SNX10: variants seen among roughly 807,000 people sequenced by gnomAD.
SNX10 encodes the protein sorting nexin-10.
In SNX10, 25 loss-of-function variants were observed where a neutral mutation model predicts 28.5. That is an observed-to-expected ratio of 0.88 (90% CI 0.64 to 1.22). The LOEUF is 1.22. SNX10 is among the 50% of genes most tolerant of loss of function. The pLI is 0.00. For synonymous variants in SNX10, 62 were observed against 81.4 expected (o/e 0.76, Z 1.28); for missense variants, 223 against 242.6 (o/e 0.92, Z 0.54).
intron 2 of SNX10, among the ~76,000 whole-genome samples, chr7:26,346,963 G>T (rs1055901675): frequency 6.6e-6 from 1 of 152,212 alleles, no homozygotes; most frequent in Non-Finnish European, 1.5e-5. Context: ...TCCCTGACTG[G>T]GAGGAGCGTA....
chr7:26,340,395 C>T (rs1203892431), intron 1 of SNX10, among the ~76,000 whole-genome samples: 2 of 152,120 alleles, frequency 1.3e-5, no homozygotes, highest in East Asian at 3.8e-4. Flanking sequence ...ATGCAGAGAC[C>T]CTGTGGCCTA....
chr7:26,352,092 G>C (rs1418943222), intron 2 of SNX10, among the ~76,000 whole-genome samples: 3 of 150,598 alleles, frequency 2.0e-5, no homozygotes, highest in African/African-American at 7.4e-5. Context: ...GGACCACTCT[G>C]TACTATCTTC....
intron 1 of SNX10, among the ~76,000 whole-genome samples, chr7:26,305,490 C>A (rs762772589): frequency 1.3e-5 from 2 of 152,156 alleles, no homozygotes; most frequent in African/African-American, 2.4e-5. Context: ...CTGCTGCCCC[C>A]GAAGGTCACT....
At chr7:26,371,321 G>T (rs1789522044) in intron 5 of SNX10, among the ~76,000 whole-genome samples, 1 of 152,036 alleles carries the variant, frequency 6.6e-6, no homozygotes, top group Non-Finnish European at 1.5e-5. Context: ...TCGTAAACAT[G>T]CCCTTAAGTA....
At chr7:26,367,670 C>T (rs1430876890) in intron 5 of SNX10, among the ~76,000 whole-genome samples, 1 of 152,076 alleles carries the variant, frequency 6.6e-6, no homozygotes, top group African/African-American at 2.4e-5. Context: ...CCCCTGGTGC[C>T]CCCTCCCCTC....
intron 6 of SNX10, 164 bp downstream of exon 6, chr7:26,372,197 A>C (rs1789581129): frequency 1.6e-6 from 1 of 610,154 alleles, no homozygotes; most frequent in Non-Finnish European, 2.9e-6. Context: ...GTGACAGCTC[A>C]TCATAGTAGT....
intron 1 of SNX10, among the ~76,000 whole-genome samples, chr7:26,293,913 A>G (rs372256502): frequency 1.2e-4 from 19 of 152,368 alleles, no homozygotes; most frequent in African/African-American, 4.6e-4. Flanking sequence ...TTCTACAGCA[A>G]TTCTGCTGGG....
chr7:26,361,996 C>A (rs1227695358), intron 3 of SNX10, among the ~76,000 whole-genome samples: 1 of 152,196 alleles, frequency 6.6e-6, no homozygotes, highest in Non-Finnish European at 1.5e-5. Context: ...TAAAATTTAG[C>A]CATTATTTAA....
chr7:26,306,053 C>T (rs1374146388), intron 1 of SNX10, among the ~76,000 whole-genome samples: 1 of 151,888 alleles, frequency 6.6e-6, no homozygotes, highest in Non-Finnish European at 1.5e-5. Context: ...AGCCACCACA[C>T]CTGGCTAAAT....
At chr7:26,330,616 C>T (rs1377859824) in intron 1 of SNX10, among the ~76,000 whole-genome samples, 1 of 152,068 alleles carries the variant, frequency 6.6e-6, no homozygotes, top group Non-Finnish European at 1.5e-5. Flanking sequence ...GAGTCAGATC[C>T]AGGTAGAGAT....
intron 1 of SNX10, among the ~76,000 whole-genome samples, chr7:26,311,387 G>A (rs1786844956): frequency 6.6e-6 from 1 of 152,196 alleles, no homozygotes; most frequent in African/African-American, 2.4e-5. Context: ...CTGGGCTCAA[G>A]CGATTCTCCC....
At position 26,361,404 on chromosome 7, in the gene SNX10, TGCCTGATAACCTTCAAGTTTGAGAG is replaced by T. The variant is rs772865306; in HGVS notation, c.111+345_111+369del. 1.8e-3 allele frequency among the ~76,000 whole-genome samples: 281 copies of T among 152,230 alleles called. 1 individual carries two copies. The highest frequency in any genetic ancestry group is 2.6e-3 in the Non-Finnish European group (176 of 68,040). On this transcript the variant is annotated intron_variant, in intron 3 of 6. Transcript: ENST00000338523. ...TATAGCATATTTCTGGATAATATAA[TGCCTGATAACCTTCAAGTTTGAGAG>T]GATATAGAGTTCTTTGGAAAAGAGA...
chr7:26,311,085 T>TA (rs1261309936), intron 1 of SNX10, among the ~76,000 whole-genome samples: 3 of 152,138 alleles, frequency 2.0e-5, no homozygotes, highest in Non-Finnish European at 4.4e-5. Context: ...GGGCGAGGCT[T>TA]ATAGGGATTG....
intron 2 of SNX10, among the ~76,000 whole-genome samples, chr7:26,351,873 G>C (rs945248246): frequency 6.6e-6 from 1 of 151,736 alleles, no homozygotes; most frequent in Non-Finnish European, 1.5e-5. Flanking sequence ...AGCCAGGATG[G>C]TCTAGATCTC....
In SNX10 at chr7:26,372,479, CTT is replaced by C. The variant is rs755768614; in HGVS notation, c.525-11_525-10del. On this transcript the variant is annotated splice_polypyrimidine_tract_variant and intron_variant, in intron 6 of 6. Transcript: ENST00000338523. Reference sequence around the variant, plus strand: ...CCTCTTTTTATTATTTTCCCCCTCTCTTCTTTTCCAGTTCATCCTCTGGGCTT... The same window carrying C: ...CCTCTTTTTATTATTTTCCCCCTCTCCTTTTCCAGTTCATCCTCTGGGCTT... 1 of 1,576,136 alleles carries C rather than the reference CTT, an allele frequency of 6.3e-7. No homozygotes were observed. The highest frequency in any genetic ancestry group is 8.7e-7 in the Non-Finnish European group (1 of 1,145,684).
chr7:26,369,610 C>T (rs1789424388), intron 5 of SNX10, among the ~76,000 whole-genome samples: 1 of 152,174 alleles, frequency 6.6e-6, no homozygotes, highest in African/African-American at 2.4e-5. Flanking sequence ...CTGGTTTGAA[C>T]TCTAGGCCTG....
intron 1 of SNX10, among the ~76,000 whole-genome samples, chr7:26,337,052 C>G (rs1219065601): frequency 6.6e-6 from 1 of 152,190 alleles, no homozygotes; most frequent in Non-Finnish European, 1.5e-5. Context: ...ATTGAAATAG[C>G]TCACATTCCT....
At chr7:26,318,391 T>C (rs1787175326) in intron 1 of SNX10, among the ~76,000 whole-genome samples, 1 of 152,206 alleles carries the variant, frequency 6.6e-6, no homozygotes, top group Non-Finnish European at 1.5e-5. Context: ...TAATATCGTT[T>C]TTTACACCTT....
intron 1 of SNX10, among the ~76,000 whole-genome samples, chr7:26,329,664 C>T (rs572212030): frequency 6.6e-6 from 1 of 152,234 alleles, no homozygotes; most frequent in African/African-American, 2.4e-5. Context: ...TTGCTGATAC[C>T]GTGTACCTGC....
Sources: gnomAD v4.1 joint callset for allele counts (sites outside exome capture counted in the v4.1 genomes callset) on GRCh38, gnomAD v4.1.1 for gene constraint, MANE v1.5 for transcripts, NCBI Gene and HGNC (gene_info 2026-07-23, HGNC 2026-07-21) for gene names.